SYT16: variants seen among roughly 807,000 people sequenced by gnomAD.
SYT16 encodes the protein synaptotagmin-16.
SYT16 carries 42 observed loss-of-function variants against 61.4 expected under a neutral mutation model. The ratio of observed to expected loss-of-function variants is 0.68; its 90% CI spans 0.53 to 0.89. The LOEUF (loss-of-function observed/expected upper bound fraction) is 0.89. SYT16 is among the 40% of genes least tolerant of loss of function. The pLI is 0.00. For missense variants in SYT16, 804 were observed against 807.3 expected (o/e 1.00, Z 0.05); for synonymous variants, 314 against 302.3 (o/e 1.04, Z -0.40).
intron 4 of SYT16, among the ~76,000 whole-genome samples, chr14:62,071,745 T>G (rs1273916774): frequency 6.6e-6 from 1 of 152,246 alleles, no homozygotes; most frequent in Non-Finnish European, 1.5e-5. Flanking sequence ...TTTATTCCAC[T>G]GTAAACATTG....
intron 1 of SYT16, among the ~76,000 whole-genome samples, chr14:61,867,867 C>G (rs758020992): frequency 1.3e-5 from 2 of 151,918 alleles, no homozygotes; most frequent in Admixed American, 6.6e-5. Flanking sequence ...AAGTTTTGAT[C>G]AAAAATAGAT....
intron 1 of SYT16, among the ~76,000 whole-genome samples, 197 bp downstream of exon 1, chr14:61,813,007 G>T (rs1478256005): frequency 6.6e-6 from 1 of 152,240 alleles, no homozygotes; most frequent in Non-Finnish European, 1.5e-5. Flanking sequence ...GAGGGATGTG[G>T]CAGAAGGGCG....
intron 5 of SYT16, 30 bp downstream of exon 5, chr14:62,075,421 G>A: frequency 1.3e-6 from 2 of 1,569,696 alleles, no homozygotes; most frequent in Non-Finnish European, 1.7e-6. Flanking sequence ...TTCTTTCATT[G>A]GTTCCCTTTC....
At position 62,011,872 on chromosome 14, in the gene SYT16, TATAC is replaced by T. The variant is rs1405573615; in HGVS notation, c.523+15332_523+15335del. Among the ~76,000 whole-genome samples, 200 of 135,948 alleles carry T rather than the reference TATAC, an allele frequency of 1.5e-3. 1 individual carries two copies. Among genetic ancestry groups the T allele is most frequent in the African/African-American group, 2.9e-3 (94 of 32,128 alleles). 89.2% of individuals were successfully genotyped at this position (135,948 alleles called of 152,430 possible). A position where few individuals can be genotyped will look rare whatever the true frequency, so the allele number is the denominator to read the frequency against. On this transcript the variant is annotated intron_variant, in intron 3 of 7. Transcript: ENST00000683842. ...CTACCACAAGTCAGGGAACACTATA[TATAC>T]ACACACACACACACACACACACACA...
intron 1 of SYT16, among the ~76,000 whole-genome samples, chr14:61,912,734 T>C (rs1286874777): frequency 6.6e-6 from 1 of 152,186 alleles, no homozygotes; most frequent in Non-Finnish European, 1.5e-5. Context: ...TCCATTTATC[T>C]ATCCATTCAT....
chr14:62,095,327 G>C (rs1329601002), intron 7 of SYT16, among the ~76,000 whole-genome samples: 1 of 151,790 alleles, frequency 6.6e-6, no homozygotes, highest in Non-Finnish European at 1.5e-5. Flanking sequence ...AACATTTAAA[G>C]ATTGAAAGGA....
At chr14:61,872,748 A>G (rs2047368471) in intron 1 of SYT16, among the ~76,000 whole-genome samples, 1 of 152,252 alleles carries the variant, frequency 6.6e-6, no homozygotes, top group African/African-American at 2.4e-5. Flanking sequence ...TGGGGAATAC[A>G]GACGTTGGTT....
intron 5 of SYT16, 122 bp downstream of exon 5, chr14:62,075,513 C>T (rs1595356987): frequency 8.4e-7 from 1 of 1,195,722 alleles, no homozygotes; most frequent in Non-Finnish European, 1.1e-6. Context: ...CTTTTATCTG[C>T]AATAAATTTT....
chr14:61,944,956 C>T (rs189251421), intron 1 of SYT16, among the ~76,000 whole-genome samples: 63 of 152,294 alleles, frequency 4.1e-4, no homozygotes, highest in African/African-American at 1.1e-3. Context: ...AGGCAACCTA[C>T]AGAACGGGAG....
At position 61,841,840 on chromosome 14, in the gene SYT16, A is replaced by G. The variant is rs539735297; in HGVS notation, c.-325+29030A>G. On this transcript the variant is annotated intron_variant, in intron 1 of 7. Coordinates refer to ENST00000683842, the MANE Select transcript of SYT16 (RefSeq NM_001367656.1). The stretch of plus-strand genomic sequence containing the variant: ...AGTTCCATCCATGTTGCTGCAAAGG[A>G]CATGATTTCATTCTTTTTTATGGCT... Among the ~76,000 whole-genome samples, 12 of 152,286 alleles carry G rather than the reference A, an allele frequency of 7.9e-5. No homozygotes were observed. The South Asian group carries it at 2.5e-3, about 32-fold the overall frequency.
At chr14:61,986,645 C>A (rs942335266) in intron 2 of SYT16, among the ~76,000 whole-genome samples, 16 of 151,998 alleles carry the variant, frequency 1.1e-4, no homozygotes, top group African/African-American at 3.9e-4. Flanking sequence ...TGTTCCCCTT[C>A]TTGTGTCCAA....
At chr14:61,984,593 T>A (rs2052223700) in intron 2 of SYT16, among the ~76,000 whole-genome samples, 1 of 152,208 alleles carries the variant, frequency 6.6e-6, no homozygotes, top group South Asian at 2.1e-4. Flanking sequence ...AACTGAGCTA[T>A]GCTAACAGAA....
intron 1 of SYT16, among the ~76,000 whole-genome samples, chr14:61,962,377 A>G (rs1050677810): frequency 3.9e-5 from 6 of 152,096 alleles, no homozygotes; most frequent in African/African-American, 1.4e-4. Flanking sequence ...CTGGGAAATT[A>G]TCTGATAGTC....
intron 1 of SYT16, among the ~76,000 whole-genome samples, chr14:61,951,742 G>A (rs1291789528): frequency 6.6e-6 from 1 of 151,928 alleles, no homozygotes; most frequent in Non-Finnish European, 1.5e-5. Context: ...AACATGACAT[G>A]TCTTTATTGG....
intron 1 of SYT16, among the ~76,000 whole-genome samples, chr14:61,821,136 C>A (rs534303470): frequency 7.6e-5 from 11 of 145,316 alleles, no homozygotes; most frequent in African/African-American, 2.7e-4. Context: ...CGCTGGGCTG[C>A]CTTCAACAGC....
intron 1 of SYT16, among the ~76,000 whole-genome samples, chr14:61,856,231 C>T (rs1320682537): frequency 2.0e-5 from 3 of 152,182 alleles, no homozygotes; most frequent in African/African-American, 4.8e-5. Flanking sequence ...TTATCTAACA[C>T]ATACATCTCA....
At chr14:62,093,357 A>G (rs1444747806) in intron 7 of SYT16, among the ~76,000 whole-genome samples, 1 of 152,084 alleles carries the variant, frequency 6.6e-6, no homozygotes, top group Non-Finnish European at 1.5e-5. Flanking sequence ...CACAAACCAA[A>G]CAGTAAATAT....
chr14:61,970,625 T>C (rs192070831), intron 2 of SYT16, among the ~76,000 whole-genome samples: 2 of 152,330 alleles, frequency 1.3e-5, no homozygotes, highest in Non-Finnish European at 2.9e-5. Flanking sequence ...TAGCTGTTTT[T>C]GAGATTTTTC....
At chr14:61,935,503 T>A (rs1176455556) in intron 1 of SYT16, among the ~76,000 whole-genome samples, 1 of 152,188 alleles carries the variant, frequency 6.6e-6, no homozygotes, top group East Asian at 1.9e-4. Context: ...AACTGGGGCT[T>A]TGTAACCAAT....
Sources: allele counts gnomAD v4.1 joint callset (sites outside exome capture counted in the v4.1 genomes callset), GRCh38; gene constraint gnomAD v4.1.1; transcripts MANE v1.5; gene names NCBI Gene and HGNC (gene_info 2026-07-23, HGNC 2026-07-21).